S1PR3: variants seen among roughly 807,000 people sequenced by gnomAD.
S1PR3 encodes the protein sphingosine 1-phosphate receptor 3.
In S1PR3, 12 loss-of-function variants were observed where a neutral mutation model predicts 13.3. The observed-to-expected ratio is 0.90, with a 90% CI of 0.58 to 1.46. S1PR3 has a LOEUF of 1.46. Among genes scored for constraint, S1PR3 ranks in the 40% most tolerant of loss-of-function variants. The probability of loss-of-function intolerance (pLI) is 0.00; values close to 1 mark genes in which losing one functional copy is unlikely to be tolerated. For synonymous variants in S1PR3, 232 were observed against 214.0 expected, an observed-to-expected ratio of 1.08 and a Z score of -0.73; for missense variants, 450 against 501.9, an observed-to-expected ratio of 0.90 and a Z score of 0.99.
Position 89,002,060 on chromosome 9 carries a change from C to T in S1PR3, c.860C>T (p.Ala287Val), listed in dbSNP as rs757592931. 18 of 1,613,936 alleles carry T rather than the reference C, an allele frequency of 1.1e-5. No homozygotes were observed. Among genetic ancestry groups the T allele is most frequent in the Non-Finnish European group, 1.4e-5 (17 of 1,180,042 alleles). ...AAGGCTCAGTGGTTCATCGTGTTGG[C>T]TGTGCTCAACTCCGCCATGAACCCG... is the stretch of plus-strand genomic sequence containing the variant. ...LFKAQWFIVL[A>V]VLNSAMNPVI... Residue 287 changes from alanine (A) to valine (V), a missense_variant, in exon 2 of 2, where the codon GCT becomes GTT. Physicochemically the swap from Ala to Val is moderately conservative, Grantham distance 64. Coordinates refer to ENST00000358157, the MANE Select transcript of S1PR3 (RefSeq NM_005226.4).
rs1391725932 is a variant in S1PR3 at position 89,001,892 on chromosome 9, A to G, written c.692A>G (p.Asn231Ser). 4 of 1,614,084 alleles carry G rather than the reference A, an allele frequency of 2.5e-6. No homozygotes were observed. The Admixed American group carries it at 5.0e-5, about 20-fold the overall frequency. ...AAGTCCAGCAGCCGTAAGGTGGCCA[A>G]CCACAACAACTCGGAGCGGTCCATG... is the stretch of plus-strand genomic sequence containing the variant. The part of the protein sequence containing the change: ...LVKSSSRKVA[N>S]HNNSERSMAL... The change falls in exon 2 of 2, where the codon AAC (asparagine) becomes AGC (serine). Residue 231 changes from asparagine to serine, a missense_variant. Transcript: ENST00000358157.
upstream of S1PR3, chr9:88,991,113 G>A (rs763522209): frequency 6.2e-7 from 1 of 1,612,966 alleles, no homozygotes; most frequent in African/African-American, 1.3e-5. The surrounding 1 kb of genome is among the most constrained non-coding windows in gnomAD (Gnocchi z 4.0). Flanking sequence ...CTCGGACCTG[G>A]TTCCAAGCCT....
At chr9:88,993,732 G>A (rs1044352811) in intron 1 of S1PR3, 2 of 152,214 alleles carry the variant, frequency 1.3e-5, no homozygotes, top group African/African-American at 4.8e-5. Flanking sequence ...TGATGTTACT[G>A]TTATAGCTAC....
In S1PR3 at chr9:89,003,145, C is replaced by T. The variant is rs887042774; in HGVS notation, c.*808C>T. 1 of 167,128 alleles carries T rather than the reference C, an allele frequency of 6.0e-6. No homozygotes were observed. The highest frequency in any genetic ancestry group is 1.5e-5 in the Non-Finnish European group (1 of 68,120). The allele number at this position is 167,128 out of a possible 1,614,324, so 10.4% of individuals were successfully genotyped here. The stretch of plus-strand genomic sequence containing the variant: ...AAGATCACCCAGGAGCTTGTGCCCC[C>T]AGATGGGCCAAAGAAAGAGCCTATG... On this transcript the variant is annotated 3_prime_UTR_variant, in exon 2 of 2. Coordinates refer to ENST00000358157, the MANE Select transcript of S1PR3 (RefSeq NM_005226.4).
At chr9:88,992,213 C>T (rs1043406726) in intron 1 of S1PR3, 5 of 606,020 alleles carry the variant, frequency 8.3e-6, no homozygotes, top group African/African-American at 1.9e-5. Flanking sequence ...ACGTTGTGTT[C>T]GTAACTGAGA....
At position 89,001,236 on chromosome 9, in the gene S1PR3, G is replaced by A. The variant is rs1207197342; in HGVS notation, c.36G>A (p.Val12=). Residue 12 remains valine (V), a synonymous_variant, in exon 2 of 2, where the codon GTG becomes GTA. Transcript: ENST00000358157. ...CCCTCCCGCCGCGTCTCCAGCCGGT[G>A]CGGGGGAACGAGACCCTGCGGGAGC... ...ATALPPRLQP[V]RGNETLREHY... 1.2e-6 allele frequency: 2 copies of A among 1,613,724 alleles called. No individual in the cohort carries two copies. The highest frequency in any genetic ancestry group is 3.3e-5 in the Admixed American group (2 of 60,006).
chr9:88,997,208 A>G (rs1236236334), intron 1 of S1PR3: 1 of 152,238 alleles, frequency 6.6e-6, no homozygotes, highest in Non-Finnish European at 1.5e-5. Flanking sequence ...TAAATCAAAC[A>G]TTAATGGGAA....
intron 1 of S1PR3, chr9:88,994,730 C>T (rs1164791064): frequency 2.4e-5 from 4 of 167,214 alleles, no homozygotes; most frequent in African/African-American, 7.2e-5. Flanking sequence ...CTCATAATGT[C>T]CCAGCCTTAT....
intron 1 of S1PR3, chr9:88,997,408 T>C (rs968148174): frequency 3.9e-5 from 6 of 152,214 alleles, no homozygotes; most frequent in African/African-American, 1.4e-4. Context: ...AGTCCACATC[T>C]GGCTGTTGGA....
chr9:88,995,849 A>C (rs1471159980), intron 1 of S1PR3: 1 of 167,114 alleles, frequency 6.0e-6, no homozygotes, highest in Admixed American at 6.5e-5. Context: ...CCAGGCAAGG[A>C]TGTGCCGTGG....
In S1PR3 at chr9:88,991,848, C is replaced by A. The variant is rs370512317; in HGVS notation, c.-148+153C>A. ...AGCGCTCCACATCAGCACCCCTCCC[C>A]CAGAGCCGCTGCAGGAACAGGGAGG... On this transcript the variant is annotated intron_variant, in intron 1 of 1. Transcript: ENST00000358157. This position sits in a 1 kb window ranked among gnomAD's most constrained non-coding sequence, Gnocchi z 4.0. 2 of 1,613,810 alleles carry A rather than the reference C, an allele frequency of 1.2e-6. No individual in the cohort carries two copies. The highest frequency in any genetic ancestry group is 2.7e-5 in the African/African-American group (2 of 75,070).
intron 1 of S1PR3, among the ~76,000 whole-genome samples, chr9:88,996,301 C>T (rs1010952197): frequency 3.4e-4 from 52 of 152,104 alleles, no homozygotes; most frequent in Non-Finnish European, 1.3e-4. Flanking sequence ...CATCGACCTG[C>T]GAAAACATGG....
chr9:88,991,439 G>T (rs1433242769), upstream of S1PR3: 2 of 1,542,754 alleles, frequency 1.3e-6, no homozygotes, highest in African/African-American at 2.8e-5. The surrounding 1 kb of genome is among the most constrained non-coding windows in gnomAD (Gnocchi z 4.0). Flanking sequence ...CGGGCCGCTG[G>T]AAAAGTTTAG....
At chr9:88,991,370 G>A, upstream of S1PR3, 2 of 967,326 alleles carry the variant, frequency 2.1e-6, no homozygotes, top group South Asian at 1.4e-5. This position sits in a 1 kb window ranked among gnomAD's most constrained non-coding sequence, Gnocchi z 4.0. Context: ...AGGGGGGCGG[G>A]GAGAGGGGCG....
Position 89,002,216 on chromosome 9 carries a change from C to T in S1PR3, c.1016C>T (p.Ser339Leu). The change falls in exon 2 of 2, where the codon TCA (serine) becomes TTA (leucine). Residue 339 changes from serine to leucine, a missense_variant. Physicochemically the swap from Ser to Leu is moderately radical, Grantham distance 145. Coordinates refer to ENST00000358157, the MANE Select transcript of S1PR3 (RefSeq NM_005226.4). ...GCGCTCGACCCAAGCAGAAGTAAAT[C>T]AAGCAGCAGCAACAATAGCAGCCAC... ...QPALDPSRSKSSSSNNSSHSP... is the reference protein window; with the variant it reads ...QPALDPSRSKLSSSNNSSHSP... 1.2e-6 allele frequency: 2 copies of T among 1,614,074 alleles called. No homozygotes were observed. Among genetic ancestry groups the T allele is most frequent in the African/African-American group, 1.3e-5 (1 of 75,012 alleles).
At chr9:88,995,315 T>G (rs1380853534) in intron 1 of S1PR3, 3 of 167,070 alleles carry the variant, frequency 1.8e-5, no homozygotes, top group Non-Finnish European at 4.4e-5. Context: ...AACATTTTCT[T>G]TATTTTTTCT....
intron 1 of S1PR3, chr9:88,993,158 T>G (rs1206982501): frequency 6.6e-6 from 1 of 152,648 alleles, no homozygotes; most frequent in Non-Finnish European, 1.5e-5. Flanking sequence ...TACAGTTTCC[T>G]ATAGAAGAAA....
In S1PR3 at chr9:89,001,292, G is replaced by A. The variant is rs774110290; in HGVS notation, c.92G>A (p.Arg31Lys). The stretch of plus-strand genomic sequence containing the variant: ...CAGTACGTGGGGAAGTTGGCGGGCA[G>A]GCTGAAGGAGGCCTCCGAGGGCAGC... ...HYQYVGKLAG[R>K]LKEASEGSTL... The change falls in exon 2 of 2, where the codon AGG becomes AAG. Residue 31 changes from arginine (R) to lysine (K), a missense_variant. Physicochemically the swap from Arg to Lys is conservative, Grantham distance 26 (BLOSUM62 2). Coordinates refer to ENST00000358157, the MANE Select transcript of S1PR3 (RefSeq NM_005226.4). 1 of 1,614,178 alleles carries A rather than the reference G, an allele frequency of 6.2e-7. No homozygotes were observed. The highest frequency in any genetic ancestry group is 1.1e-5 in the South Asian group (1 of 91,078).
intron 1 of S1PR3, chr9:88,997,803 G>A (rs1825823030): frequency 6.6e-6 from 1 of 152,370 alleles, no homozygotes; most frequent in African/African-American, 2.4e-5. Flanking sequence ...TGGTTGCAAT[G>A]TGAGCCGGGC....
Sources: allele counts gnomAD v4.1 joint callset (sites outside exome capture counted in the v4.1 genomes callset), GRCh38; gene constraint gnomAD v4.1.1; non-coding constraint Gnocchi (gnomAD v3.1); transcripts MANE v1.5; gene names NCBI Gene and HGNC (gene_info 2026-07-23, HGNC 2026-07-21).